Variants in CDK14 observed in about 807,000 individuals in gnomAD.
CDK14 encodes cyclin dependent kinase 14, also known as cyclin-dependent kinase 14.
CDK14 carries 34 observed loss-of-function variants against 60.7 expected under a neutral mutation model. The ratio of observed to expected loss-of-function variants is 0.56; its 90% CI spans 0.43 to 0.75. CDK14 has a LOEUF of 0.75. Ranked by LOEUF, CDK14 falls within the 30% of genes least tolerant of loss-of-function variation. CDK14 has a pLI of 0.00. For missense variants in CDK14, 482 were observed against 564.1 expected, an observed-to-expected ratio of 0.85 and a Z score of 1.47; for synonymous variants, 197 against 203.7, an observed-to-expected ratio of 0.97 and a Z score of 0.28.
chr7:90,868,764 T>C (rs1200136926), intron 6 of CDK14, among the ~76,000 whole-genome samples: 1 of 152,172 alleles, frequency 6.6e-6, no homozygotes, highest in Non-Finnish European at 1.5e-5. Flanking sequence ...TAGCATGTTA[T>C]TTTTATGAAG....
intron 2 of CDK14, among the ~76,000 whole-genome samples, chr7:90,640,210 G>A (rs542360997): frequency 2.1e-4 from 32 of 152,188 alleles, no homozygotes; most frequent in African/African-American, 3.4e-4. Context: ...CGTCTTCTGC[G>A]TGGCTCACGC....
intron 5 of CDK14, among the ~76,000 whole-genome samples, chr7:90,829,620 C>G (rs1249942028): frequency 6.6e-6 from 1 of 151,996 alleles, no homozygotes; most frequent in African/African-American, 2.4e-5. Flanking sequence ...CAACCTCCGC[C>G]CCCCCAGGTT....
At chr7:90,783,796 T>C (rs1805450985) in intron 4 of CDK14, among the ~76,000 whole-genome samples, 1 of 152,208 alleles carries the variant, frequency 6.6e-6, no homozygotes, top group South Asian at 2.1e-4. Context: ...GATGAGGATA[T>C]GGAGAAAGGG....
chr7:90,967,176 A>T (rs1003266972), intron 9 of CDK14, among the ~76,000 whole-genome samples: 11 of 138,870 alleles, frequency 7.9e-5, no homozygotes, highest in Non-Finnish European at 1.4e-4. Context: ...GGAAGGAAGG[A>T]GGGAAGGAAG....
chr7:90,947,877 ATTGAC>A (rs1794146290), intron 8 of CDK14, among the ~76,000 whole-genome samples: 1 of 152,166 alleles, frequency 6.6e-6, no homozygotes, highest in South Asian at 2.1e-4. Flanking sequence ...ATATTTATAG[ATTGAC>A]TTCTTTCCTA....
Position 90,790,553 on chromosome 7 carries a change from T to G in CDK14, c.465-20T>G. The G allele has an allele frequency of 6.4e-7, 1 of 1,569,058 alleles. No homozygotes were observed. Among genetic ancestry groups the G allele is most frequent in the East Asian group, 2.3e-5 (1 of 44,382 alleles). The stretch of plus-strand genomic sequence containing the variant: ...TGGGCACATATTTTTATGAATTCAC[T>G]TATCTTTCATTTCTCACAGGGTAAA... On this transcript the variant is annotated intron_variant, in intron 4 of 14. Transcript: ENST00000380050.
chr7:91,092,894 C>A (rs755209983), intron 12 of CDK14, among the ~76,000 whole-genome samples: 1 of 152,102 alleles, frequency 6.6e-6, no homozygotes, highest in African/African-American at 2.4e-5. Flanking sequence ...AAAGAATATC[C>A]GTTGAAAGAA....
rs202024103 is a variant in CDK14 at position 90,809,717 on chromosome 7, C to G, written c.544+19065C>G. On this transcript the variant is annotated intron_variant, in intron 5 of 14. Coordinates refer to ENST00000380050, the MANE Select transcript of CDK14 (RefSeq NM_001287135.2). ...GAAAAGATCAACAAAATTGATAGAC[C>G]GCTAGTAAGACTAATAAAGAAGAAA... Among the ~76,000 whole-genome samples the G allele has an allele frequency of 6.6e-5, 10 of 152,000 alleles. No homozygotes were observed. In the East Asian group the frequency reaches 1.9e-3, roughly 29 times the overall value.
At chr7:91,113,081 A>G (rs551513717) in intron 13 of CDK14, among the ~76,000 whole-genome samples, 3 of 152,234 alleles carry the variant, frequency 2.0e-5, no homozygotes, top group East Asian at 1.9e-4. Context: ...TATGATTTAC[A>G]TATTTAGTGC....
At chr7:90,792,048 G>T (rs556537315) in intron 5 of CDK14, among the ~76,000 whole-genome samples, 1 of 151,836 alleles carries the variant, frequency 6.6e-6, no homozygotes, top group Non-Finnish European at 1.5e-5. Flanking sequence ...GATTACAGGC[G>T]TGCGCCACTA....
rs1192486358 is a variant in CDK14 at position 91,210,516 on chromosome 7, A to T, written c.*3380A>T. 1 of 152,208 alleles carries T rather than the reference A, an allele frequency of 6.6e-6. No homozygotes were observed. Among genetic ancestry groups the T allele is most frequent in the Non-Finnish European group, 1.5e-5 (1 of 68,036 alleles). 9.4% of individuals were successfully genotyped at this position (152,208 alleles called of 1,614,324 possible). A position where few individuals can be genotyped will look rare whatever the true frequency, so the allele number is the denominator to read the frequency against. ...TTGTAATTTGTCTGTATTATGAAAG[A>T]TGTAATGGTTTGTCAGCTGTCACTG... is the stretch of plus-strand genomic sequence containing the variant. On this transcript the variant is annotated 3_prime_UTR_variant, in exon 15 of 15. Coordinates refer to ENST00000380050, the MANE Select transcript of CDK14 (RefSeq NM_001287135.2).
intron 2 of CDK14, among the ~76,000 whole-genome samples, chr7:90,683,897 C>CGTGTGTGTGTGTGT (rs35197919): frequency 7.5e-5 from 11 of 145,762 alleles, no homozygotes; most frequent in South Asian, 2.2e-4. Context: ...AGAAAATGTA[C>CGTGTGTGTGTGTGT]GTGTGTGTGT....
At chr7:91,164,186 A>G (rs550717208) in intron 14 of CDK14, among the ~76,000 whole-genome samples, 1 of 152,356 alleles carries the variant, frequency 6.6e-6, no homozygotes, top group Non-Finnish European at 1.5e-5. Context: ...CGGTATAGCT[A>G]TATGATGTTC....
At chr7:90,771,110 G>C (rs1804767247) in intron 4 of CDK14, among the ~76,000 whole-genome samples, 1 of 152,116 alleles carries the variant, frequency 6.6e-6, no homozygotes, top group Non-Finnish European at 1.5e-5. Context: ...CCCCCAGCCT[G>C]CTTCTGTCTA....
intron 2 of CDK14, among the ~76,000 whole-genome samples, chr7:90,605,309 C>T (rs894689174): frequency 5.9e-5 from 9 of 152,294 alleles, no homozygotes; most frequent in African/African-American, 2.2e-4. Flanking sequence ...TCATCTGCTG[C>T]ACCTGTTCTC....
At chr7:91,041,686 C>T (rs1208896086) in intron 10 of CDK14, among the ~76,000 whole-genome samples, 2 of 152,200 alleles carry the variant, frequency 1.3e-5, no homozygotes, top group Non-Finnish European at 2.9e-5. Context: ...TGTCAACTCC[C>T]TTGATGAATT....
chr7:90,962,557 T>A (rs1301454610), intron 9 of CDK14, among the ~76,000 whole-genome samples: 2 of 152,204 alleles, frequency 1.3e-5, no homozygotes, highest in Non-Finnish European at 2.9e-5. Flanking sequence ...TGTGTATGTT[T>A]GTGAGAGAGA....
chr7:90,641,655 G>T (rs1368569637), intron 2 of CDK14, among the ~76,000 whole-genome samples: 1 of 105,776 alleles, frequency 9.5e-6, no homozygotes, highest in South Asian at 2.9e-4. Flanking sequence ...ATGGGGTGGG[G>T]TGGGGGATTG....
At chr7:90,616,631 A>C (rs1006203806) in intron 2 of CDK14, among the ~76,000 whole-genome samples, 15 of 152,304 alleles carry the variant, frequency 9.8e-5, no homozygotes, top group African/African-American at 3.6e-4. Context: ...CTTTATCTAA[A>C]TGATGTGTTA....
Sources: allele counts gnomAD v4.1 joint callset (sites outside exome capture counted in the v4.1 genomes callset), GRCh38; gene constraint gnomAD v4.1.1; transcripts MANE v1.5; gene names NCBI Gene and HGNC (gene_info 2026-07-23, HGNC 2026-07-21).